CDK6: variants seen among roughly 807,000 people sequenced by gnomAD.
The protein encoded by CDK6 is cyclin dependent kinase 6.
In CDK6, 6 loss-of-function variants were observed where a neutral mutation model predicts 37.1. That is an observed-to-expected ratio of 0.16 (90% CI 0.09 to 0.32). The LOEUF is 0.32. Ranked by LOEUF, CDK6 falls within the 10% of genes least tolerant of loss-of-function variation. The pLI is 1.00. For missense variants in CDK6, 224 were observed against 418.9 expected, an observed-to-expected ratio of 0.53 and a Z score of 4.06; for synonymous variants, 160 against 161.3, an observed-to-expected ratio of 0.99 and a Z score of 0.06.
At chr7:92,827,798 A>C (rs555301294) in intron 2 of CDK6, among the ~76,000 whole-genome samples, 3 of 152,172 alleles carry the variant, frequency 2.0e-5, no homozygotes, top group Non-Finnish European at 4.4e-5. Flanking sequence ...TTACATCAAG[A>C]AGCTCACAAT....
At chr7:92,708,933 T>C (rs1030811898) in intron 4 of CDK6, among the ~76,000 whole-genome samples, 2 of 152,218 alleles carry the variant, frequency 1.3e-5, no homozygotes, top group African/African-American at 4.8e-5. Flanking sequence ...TCAGGACACA[T>C]CCACAACAGT....
chr7:92,794,359 A>G (rs1439696515), intron 2 of CDK6, among the ~76,000 whole-genome samples: 2 of 152,158 alleles, frequency 1.3e-5, no homozygotes, highest in South Asian at 2.1e-4. Context: ...TGAGAGAGCC[A>G]GGATTTGTAC....
chr7:92,774,711 G>A lies in CDK6; in HGVS notation c.354C>T (p.Pro118=), dbSNP rs2115784292. The A allele has an allele frequency of 6.2e-7, 1 of 1,605,924 alleles. No individual in the cohort carries two copies. Among genetic ancestry groups the A allele is most frequent in the East Asian group, 2.3e-5 (1 of 44,396 alleles). ...TTCTTGATACCTTTATGGTTTCAGT[G>A]GGCACTCCAGGCTCTGGAACTTTAT... is the stretch of plus-strand genomic sequence containing the variant. ...YLDKVPEPGV[P]TETIKDMMFQ... is the part of the protein sequence containing the mutation. Residue 118 remains proline (P), a synonymous_variant, in exon 3 of 8, where the codon CCC becomes CCT. Coordinates refer to ENST00000424848, the MANE Select transcript of CDK6 (RefSeq NM_001145306.2).
At position 92,725,740 on chromosome 7, in the gene CDK6, T is replaced by C; in HGVS notation, c.423A>G (p.Val141=). 1 of 1,614,084 alleles carries C rather than the reference T, an allele frequency of 6.2e-7. No homozygotes were observed. The highest frequency in any genetic ancestry group is 8.5e-7 in the Non-Finnish European group (1 of 1,179,930). ...RGLDFLHSHR[V]VHRDLKPQNI... The stretch of plus-strand genomic sequence containing the variant: ...TCTGTGGTTTTAGATCGCGATGCAC[T>C]ACTCGGTGTGAATGAAGAAAGTCCA... Residue 141 remains valine (V), a synonymous_variant, in exon 4 of 8, where the codon GTA becomes GTG. Coordinates refer to ENST00000424848, the MANE Select transcript of CDK6 (RefSeq NM_001145306.2).
At chr7:92,808,017 C>G (rs1434090885) in intron 2 of CDK6, among the ~76,000 whole-genome samples, 1 of 152,158 alleles carries the variant, frequency 6.6e-6, no homozygotes, top group African/African-American at 2.4e-5. Flanking sequence ...TTTCTAATAA[C>G]TAAGCTTTCT....
At chr7:92,690,358 C>T (rs1797573566) in intron 4 of CDK6, among the ~76,000 whole-genome samples, 1 of 152,156 alleles carries the variant, frequency 6.6e-6, no homozygotes, top group Admixed American at 6.5e-5. Context: ...TATCCCAGCA[C>T]TGTTTATTGA....
At chr7:92,657,586 G>C (rs1443592437) in intron 5 of CDK6, among the ~76,000 whole-genome samples, 1 of 152,122 alleles carries the variant, frequency 6.6e-6, no homozygotes, top group Non-Finnish European at 1.5e-5. Context: ...ACAAAATGAG[G>C]TTGATTCCTT....
At chr7:92,731,762 A>C (rs1798656347) in intron 3 of CDK6, among the ~76,000 whole-genome samples, 1 of 152,212 alleles carries the variant, frequency 6.6e-6, no homozygotes, top group African/African-American at 2.4e-5. Context: ...TAAAAAAAAA[A>C]AAGATAATAA....
intron 3 of CDK6, among the ~76,000 whole-genome samples, chr7:92,727,330 A>C (rs1798536945): frequency 6.6e-6 from 1 of 152,240 alleles, no homozygotes; most frequent in Non-Finnish European, 1.5e-5. Flanking sequence ...CATCGAGAAC[A>C]GTATATTTGG....
Position 92,703,786 on chromosome 7 carries a change from T to C in CDK6, c.537+21840A>G, listed in dbSNP as rs191685613. Among the ~76,000 whole-genome samples the C allele has an allele frequency of 3.2e-3, 488 of 152,350 alleles. 7 individuals carry two copies. Among genetic ancestry groups the C allele is most frequent in the Non-Finnish European group, 1.2e-3 (79 of 68,038 alleles). ...TTGTGTCTTATTATCAATTGCCTTT[T>C]TCCTGCTGTTATGATCCCTATGTTT... On this transcript the variant is annotated intron_variant, in intron 4 of 7. Coordinates refer to ENST00000424848, the MANE Select transcript of CDK6 (RefSeq NM_001145306.2).
Position 92,615,127 on chromosome 7 carries a change from G to C in CDK6, c.*13C>G. The C allele has an allele frequency of 1.9e-6, 3 of 1,613,036 alleles. No homozygotes were observed. The highest frequency in any genetic ancestry group is 2.5e-6 in the Non-Finnish European group (3 of 1,179,906). On this transcript the variant is annotated 3_prime_UTR_variant, in exon 8 of 8. Coordinates refer to ENST00000424848, the MANE Select transcript of CDK6 (RefSeq NM_001145306.2). ...GTTCTCCGCAGGATCAGCTTAAGGC[G>C]GCTGCTGAGGCCTCAGGCTGTATTC...
chr7:92,660,623 A>T (rs754421037), intron 5 of CDK6, among the ~76,000 whole-genome samples: 1 of 152,140 alleles, frequency 6.6e-6, no homozygotes, highest in East Asian at 1.9e-4. Context: ...AGGGAGACAG[A>T]TTGGCAGGTT....
chr7:92,794,944 G>C (rs1800371910), intron 2 of CDK6, among the ~76,000 whole-genome samples: 1 of 152,100 alleles, frequency 6.6e-6, no homozygotes, highest in Admixed American at 6.6e-5. Flanking sequence ...AATTCCAAAA[G>C]AGTCTGAAAA....
At chr7:92,688,686 A>G (rs1374079090) in intron 4 of CDK6, among the ~76,000 whole-genome samples, 4 of 151,856 alleles carry the variant, frequency 2.6e-5, no homozygotes, top group African/African-American at 7.3e-5. Flanking sequence ...GTATTCTGAA[A>G]TGTTTGTTTG....
At chr7:92,626,826 G>C (rs1795938306) in intron 5 of CDK6, among the ~76,000 whole-genome samples, 2 of 152,042 alleles carry the variant, frequency 1.3e-5, no homozygotes, top group South Asian at 2.1e-4. Flanking sequence ...GAGATAGATG[G>C]AGGTGGTGGG....
chr7:92,681,185 G>C (rs916750496), intron 4 of CDK6, among the ~76,000 whole-genome samples: 8 of 152,140 alleles, frequency 5.3e-5, no homozygotes, highest in Non-Finnish European at 1.0e-4. Flanking sequence ...GTGGAGGGAA[G>C]AGCACTACCT....
rs42030 is a variant in CDK6 at position 92,607,107 on chromosome 7, G to A, written c.*8033C>T. On this transcript the variant is annotated 3_prime_UTR_variant, in exon 8 of 8. Coordinates refer to ENST00000424848, the MANE Select transcript of CDK6 (RefSeq NM_001145306.2). Reference sequence around the variant, plus strand: ...AAACTTGGACTTCTCCATCTGACACGTTCTGGAAGCCTCAAGGCACAAGCT... The same window carrying A: ...AAACTTGGACTTCTCCATCTGACACATTCTGGAAGCCTCAAGGCACAAGCT... 11,985 of 233,492 alleles carry A rather than the reference G, an allele frequency of 0.051. 371 individuals are homozygous for A. The highest frequency in any genetic ancestry group is 0.074 in the Non-Finnish European group (8,701 of 117,964). 14.5% of individuals were successfully genotyped at this position (233,492 alleles called of 1,614,324 possible). A position where few individuals can be genotyped will look rare whatever the true frequency, so the allele number is the denominator to read the frequency against.
At chr7:92,774,915 T>C (rs2115787561) in intron 2 of CDK6, 84 bp from the exon 3 acceptor site, 1 of 1,341,494 alleles carries the variant, frequency 7.5e-7, no homozygotes, top group Non-Finnish European at 1.0e-6. Context: ...CTCAATTTGG[T>C]CTCATAATAG....
intron 4 of CDK6, among the ~76,000 whole-genome samples, chr7:92,705,619 T>G (rs910737464): frequency 3.3e-5 from 5 of 152,238 alleles, no homozygotes; most frequent in African/African-American, 1.2e-4. Context: ...CAGGTCATGT[T>G]GCAGAAGCTC....
Sources: gnomAD v4.1 joint callset for allele counts (sites outside exome capture counted in the v4.1 genomes callset) on GRCh38, gnomAD v4.1.1 for gene constraint, MANE v1.5 for transcripts, NCBI Gene and HGNC (gene_info 2026-07-23, HGNC 2026-07-21) for gene names.